TCF12: variants seen among roughly 807,000 people sequenced by gnomAD.
TCF12 encodes the protein DNA-binding protein HTF4.
Under a neutral mutation model 86.0 loss-of-function variants are expected in TCF12, and 45 were observed. That is an observed-to-expected ratio of 0.52 (90% CI 0.41 to 0.67). The LOEUF (loss-of-function observed/expected upper bound fraction) is 0.67, where lower values mean the gene tolerates loss of function less well. Among genes scored for constraint, TCF12 ranks in the 30% least tolerant of loss-of-function variants. TCF12 has a pLI of 0.00. For synonymous variants in TCF12, 330 were observed against 299.6 expected (o/e 1.10, Z -1.05); for missense variants, 881 against 859.9 (o/e 1.02, Z -0.31).
chr15:57,089,719 C>T (rs900603042), intron 4 of TCF12, among the ~76,000 whole-genome samples: 5 of 151,798 alleles, frequency 3.3e-5, no homozygotes, highest in African/African-American at 1.2e-4. Context: ...GTAGCTGTTC[C>T]GCAAGCACAT....
In TCF12 at chr15:56,958,543, A is replaced by C. The variant is rs143288188; in HGVS notation, c.148+37445A>C. ...CACATTCCAAATGCTTAAAAGCCGC[A>C]TGTATCTAGTGACTACCATACTGGA... On this transcript the variant is annotated intron_variant, in intron 3 of 20. Transcript: ENST00000333725. Among the ~76,000 whole-genome samples, 195 of 152,234 alleles carry C rather than the reference A, an allele frequency of 1.3e-3. 1 individual carries two copies. The highest frequency in any genetic ancestry group is 4.4e-3 in the African/African-American group (183 of 41,552).
chr15:57,161,356 C>A (rs1206239691), intron 5 of TCF12, among the ~76,000 whole-genome samples: 1 of 152,116 alleles, frequency 6.6e-6, no homozygotes, highest in African/African-American at 2.4e-5. Context: ...TCTTGAACTT[C>A]AGTCATTTGC....
intron 3 of TCF12, among the ~76,000 whole-genome samples, chr15:57,005,286 A>T (rs965049889): frequency 1.7e-4 from 26 of 152,196 alleles, no homozygotes; most frequent in African/African-American, 6.3e-4. Flanking sequence ...ATACTCATGT[A>T]CATTTTTTTA....
chr15:57,123,727 G>A (rs1321300722), intron 5 of TCF12, among the ~76,000 whole-genome samples: 1 of 151,718 alleles, frequency 6.6e-6, no homozygotes, highest in Non-Finnish European at 1.5e-5. Context: ...CGAGGCGGGT[G>A]GATCACGAGG....
chr15:56,921,346 A>C (rs2059782774), intron 3 of TCF12, among the ~76,000 whole-genome samples: 1 of 152,028 alleles, frequency 6.6e-6, no homozygotes, highest in African/African-American at 2.4e-5. Flanking sequence ...AAATGAATAG[A>C]AACTTAGATT....
At chr15:56,937,173 T>C (rs2060505129) in intron 3 of TCF12, among the ~76,000 whole-genome samples, 1 of 152,210 alleles carries the variant, frequency 6.6e-6, no homozygotes, top group Middle Eastern at 3.2e-3. Flanking sequence ...GTTTTCCTTG[T>C]AGACGTCCTT....
intron 3 of TCF12, among the ~76,000 whole-genome samples, chr15:56,951,089 G>T (rs1404406014): frequency 6.6e-6 from 1 of 152,078 alleles, no homozygotes; most frequent in Non-Finnish European, 1.5e-5. Flanking sequence ...TCTTTATGTG[G>T]ACATTCATAT....
At position 57,173,350 on chromosome 15, in the gene TCF12, A is replaced by G. The variant is rs533742770; in HGVS notation, c.390+6884A>G. On this transcript the variant is annotated intron_variant, in intron 6 of 20. Transcript: ENST00000333725. ...ATTCTGCCCTAAGAACTTAGCTAGA[A>G]AAAGAAACACAAAGTAAACCCAAAA... Among the ~76,000 whole-genome samples the G allele has an allele frequency of 3.9e-5, 6 of 152,348 alleles. No homozygotes were observed. The South Asian group carries it at 1.0e-3, about 26-fold the overall frequency.
In TCF12 at chr15:57,075,835, T is replaced by TTTCTTTCTTTC. The variant is rs1555498796; in HGVS notation, c.222+12014_222+12015insCTTTCTTTCTT. On this transcript the variant is annotated intron_variant, in intron 4 of 20. Coordinates refer to ENST00000333725, the MANE Select transcript of TCF12 (RefSeq NM_207037.2). Reference sequence around the variant, plus strand: ...CTCTCTCTCTCTCTCTCTCTCTCTCTTTTCTTTCTTTCTTTCTTTCTTTCT... The same window carrying TTTCTTTCTTTC: ...CTCTCTCTCTCTCTCTCTCTCTCTCTTTCTTTCTTTCTTTCTTTCTTTCTTTCTTTCTTTCT... 4.7e-3 allele frequency among the ~76,000 whole-genome samples: 233 copies of TTTCTTTCTTTC among 50,002 alleles called. 10 individuals carry two copies. The highest frequency in any genetic ancestry group is 8.7e-3 in the African/African-American group (90 of 10,342). The allele number at this position is 50,002 out of a possible 152,430, so 32.8% of individuals were successfully genotyped here. A position where few individuals can be genotyped will look rare whatever the true frequency, so the allele number is the denominator to read the frequency against.
intron 4 of TCF12, among the ~76,000 whole-genome samples, chr15:57,072,887 G>A (rs920433732): frequency 3.3e-5 from 5 of 152,120 alleles, no homozygotes; most frequent in African/African-American, 9.7e-5. Context: ...TCTTAGTTCT[G>A]TTTGAAACAG....
chr15:57,188,440 A>C lies in TCF12; in HGVS notation c.391-3718A>C, dbSNP rs531045062. ...TCAATGCAATACCCATCAAACTTCCAATGGCTTTTTTTTGCAGAAATGAAA... is the reference window on the plus strand; with the variant it reads ...TCAATGCAATACCCATCAAACTTCCCATGGCTTTTTTTTGCAGAAATGAAA... On this transcript the variant is annotated intron_variant, in intron 6 of 20. Transcript: ENST00000333725. Among the ~76,000 whole-genome samples the C allele has an allele frequency of 2.8e-3, 427 of 152,308 alleles. 2 individuals are homozygous for C. The highest frequency in any genetic ancestry group is 0.014 in the Middle Eastern group (4 of 294).
At chr15:57,199,722 T>C (rs1006558257) in intron 8 of TCF12, among the ~76,000 whole-genome samples, 4 of 152,180 alleles carry the variant, frequency 2.6e-5, no homozygotes, top group Non-Finnish European at 5.9e-5. Context: ...TGAGAACCAT[T>C]AGGAAATTTT....
At chr15:57,059,407 C>T (rs984514907) in intron 3 of TCF12, among the ~76,000 whole-genome samples, 6 of 152,130 alleles carry the variant, frequency 3.9e-5, no homozygotes, top group African/African-American at 1.4e-4. Context: ...TTCTCTCATT[C>T]TTGTATGCTG....
At chr15:57,094,975 C>G (rs1465864723) in intron 5 of TCF12, among the ~76,000 whole-genome samples, 3 of 152,120 alleles carry the variant, frequency 2.0e-5, no homozygotes, top group African/African-American at 7.2e-5. Flanking sequence ...GATAATGATT[C>G]AGTAATGAAC....
intron 6 of TCF12, among the ~76,000 whole-genome samples, chr15:57,187,348 G>A (rs1334805862): frequency 6.6e-6 from 1 of 152,000 alleles, no homozygotes; most frequent in Non-Finnish European, 1.5e-5. Context: ...GCTAAGATTG[G>A]GAACAAAACA....
chr15:57,101,489 C>T (rs113040782), intron 5 of TCF12, among the ~76,000 whole-genome samples: 12 of 152,220 alleles, frequency 7.9e-5, no homozygotes, highest in Admixed American at 2.0e-4. Context: ...CGATTACAAG[C>T]GTGAGCCACC....
chr15:57,111,470 G>C (rs563454606), intron 5 of TCF12, among the ~76,000 whole-genome samples: 8 of 151,954 alleles, frequency 5.3e-5, no homozygotes, highest in African/African-American at 1.9e-4. Flanking sequence ...AGTAGGCCTT[G>C]CAACCCAATT....
intron 5 of TCF12, among the ~76,000 whole-genome samples, chr15:57,128,051 GAC>G (rs1258786452): frequency 2.0e-5 from 3 of 152,136 alleles, no homozygotes; most frequent in Non-Finnish European, 4.4e-5. Flanking sequence ...ATCCATGACT[GAC>G]TCATTTGGAG....
At chr15:56,997,577 G>C (rs1284332919) in intron 3 of TCF12, among the ~76,000 whole-genome samples, 8 of 152,062 alleles carry the variant, frequency 5.3e-5, no homozygotes, top group Non-Finnish European at 1.2e-4. Context: ...GCACCATCCA[G>C]TATACCTATG....
Sources: allele counts gnomAD v4.1 joint callset (sites outside exome capture counted in the v4.1 genomes callset), GRCh38; gene constraint gnomAD v4.1.1; transcripts MANE v1.5; gene names NCBI Gene and HGNC (gene_info 2026-07-23, HGNC 2026-07-21).